Variants in PLPP3 observed in about 807,000 individuals in gnomAD.
PLPP3 encodes the protein PAP2 beta.
A neutral mutation model predicts 29.6 loss-of-function variants in PLPP3; 6 were observed. The ratio of observed to expected loss-of-function variants is 0.20; its 90% CI spans 0.11 to 0.40. The LOEUF (loss-of-function observed/expected upper bound fraction) is 0.40. PLPP3 is among the 10% of genes least tolerant of loss of function. The pLI is 1.00. For missense variants in PLPP3, 308 were observed against 407.7 expected (o/e 0.76, Z 2.11); for synonymous variants, 152 against 159.7 (o/e 0.95, Z 0.36).
At chr1:56,523,036 G>A (rs1280638598) in intron 4 of PLPP3, among the ~76,000 whole-genome samples, 1 of 152,158 alleles carries the variant, frequency 6.6e-6, no homozygotes, top group Non-Finnish European at 1.5e-5. Flanking sequence ...AGAAGAGCAT[G>A]GGAATCAAAT....
rs1248940623 is a variant in PLPP3 at position 56,522,386 on chromosome 1, TCC to T, written c.633+1435_633+1436del. 9.8e-4 allele frequency among the ~76,000 whole-genome samples: 150 copies of T among 152,330 alleles called. 2 individuals carry two copies. The South Asian group carries it at 0.019, about 19-fold the overall frequency. ...TGAAAAAAATGAACACATACCCAGT[TCC>T]TCTAAGCACTTTTATAAAACATCGA... On this transcript the variant is annotated intron_variant, in intron 4 of 5. Coordinates refer to ENST00000371250, the MANE Select transcript of PLPP3 (RefSeq NM_003713.5).
At chr1:56,522,266 C>T (rs186203053) in intron 4 of PLPP3, among the ~76,000 whole-genome samples, 2 of 152,294 alleles carry the variant, frequency 1.3e-5, no homozygotes, top group Admixed American at 1.3e-4. Flanking sequence ...AGTGTGTCAG[C>T]ATCTTCACCT....
intron 2 of PLPP3, among the ~76,000 whole-genome samples, chr1:56,525,825 C>G (rs1223115363): frequency 6.6e-6 from 1 of 152,096 alleles, no homozygotes; most frequent in Non-Finnish European, 1.5e-5. Context: ...CATATCCGGA[C>G]ACTCCTTTGC....
At chr1:56,513,402 C>G (rs1439593577) in intron 4 of PLPP3, 1 of 152,672 alleles carries the variant, frequency 6.5e-6, no homozygotes, top group Non-Finnish European at 1.5e-5. Context: ...CTTGGAGAGG[C>G]AGGAGAAGGG....
chr1:56,576,640 A>G (rs1330858926), intron 1 of PLPP3, among the ~76,000 whole-genome samples: 2 of 152,254 alleles, frequency 1.3e-5, no homozygotes, highest in Non-Finnish European at 2.9e-5. Context: ...ATGTGCCTCT[A>G]TAACAGAATA....
At chr1:56,510,586 C>A (rs1047473961) in intron 5 of PLPP3, among the ~76,000 whole-genome samples, 2 of 152,194 alleles carry the variant, frequency 1.3e-5, no homozygotes, top group African/African-American at 2.4e-5. Flanking sequence ...TATGACAGCC[C>A]CCACAGCATT....
intron 1 of PLPP3, among the ~76,000 whole-genome samples, chr1:56,537,751 G>C (rs187841358): frequency 6.6e-6 from 1 of 152,250 alleles, no homozygotes; most frequent in East Asian, 1.9e-4. Flanking sequence ...CATTTTCCAG[G>C]CTTTTCTTTC....
intron 1 of PLPP3, among the ~76,000 whole-genome samples, chr1:56,543,262 G>A (rs1376985550): frequency 3.3e-5 from 5 of 152,138 alleles, no homozygotes; most frequent in Admixed American, 6.5e-5. Flanking sequence ...TAATCTCCAC[G>A]ATAGCTATGA....
intron 4 of PLPP3, among the ~76,000 whole-genome samples, chr1:56,523,105 G>T (rs749950448): frequency 3.3e-5 from 5 of 152,126 alleles, no homozygotes; most frequent in African/African-American, 1.2e-4. Context: ...TCTGGGCCTT[G>T]GTCTGTGGAT....
chr1:56,559,774 T>C (rs1331663697), intron 1 of PLPP3, among the ~76,000 whole-genome samples: 1 of 152,172 alleles, frequency 6.6e-6, no homozygotes, highest in Non-Finnish European at 1.5e-5. Flanking sequence ...TTTTACTCAT[T>C]TTCCAAGACA....
chr1:56,552,856 A>G (rs993941907), intron 1 of PLPP3, among the ~76,000 whole-genome samples: 5 of 152,168 alleles, frequency 3.3e-5, no homozygotes, highest in African/African-American at 9.7e-5. Context: ...AAAGACAAAA[A>G]CTGAAAGAGG....
At chr1:56,520,017 G>C (rs1202884947) in intron 4 of PLPP3, among the ~76,000 whole-genome samples, 1 of 152,144 alleles carries the variant, frequency 6.6e-6, no homozygotes, top group Non-Finnish European at 1.5e-5. Flanking sequence ...AGTTTGTCTT[G>C]ATGGCTCCCC....
chr1:56,529,316 AAGTCCTACTAGGCAGT>A (rs1333426962), intron 2 of PLPP3, among the ~76,000 whole-genome samples: 1 of 152,132 alleles, frequency 6.6e-6, no homozygotes, highest in East Asian at 1.9e-4. Context: ...TTTCTCTTAG[AAGTCCTACTAGGCAGT>A]AGTATGTATG....
At chr1:56,541,574 T>C (rs1024311152) in intron 1 of PLPP3, among the ~76,000 whole-genome samples, 1 of 152,064 alleles carries the variant, frequency 6.6e-6, no homozygotes, top group Non-Finnish European at 1.5e-5. Flanking sequence ...TAAACAGTCA[T>C]AAAAACTAAT....
intron 1 of PLPP3, among the ~76,000 whole-genome samples, chr1:56,568,567 T>G (rs1288169475): frequency 6.6e-6 from 1 of 152,152 alleles, no homozygotes; most frequent in Non-Finnish European, 1.5e-5. Context: ...CTGGAAGGAG[T>G]GGCCTCACCA....
chr1:56,577,140 T>A (rs1260126119), intron 1 of PLPP3, among the ~76,000 whole-genome samples: 1 of 151,926 alleles, frequency 6.6e-6, no homozygotes, highest in Non-Finnish European at 1.5e-5. Flanking sequence ...ACACAGGGAG[T>A]TCCAGGCAAG....
intron 4 of PLPP3, among the ~76,000 whole-genome samples, chr1:56,518,171 G>A (rs1645795189): frequency 6.6e-6 from 1 of 152,134 alleles, no homozygotes; most frequent in South Asian, 2.1e-4. Context: ...AAAAACATCT[G>A]GTACAGATTC....
intron 1 of PLPP3, among the ~76,000 whole-genome samples, chr1:56,577,724 G>A (rs1304499792): frequency 6.6e-6 from 1 of 152,184 alleles, no homozygotes; most frequent in African/African-American, 2.4e-5. Context: ...AGTTAGCAGA[G>A]TTGGCAGAAC....
In PLPP3 at chr1:56,559,623, G is replaced by A. The variant is rs1336202468; in HGVS notation, c.139+19255C>T. 2.0e-5 allele frequency among the ~76,000 whole-genome samples: 3 copies of A among 150,466 alleles called. No homozygotes were observed. The East Asian group carries it at 5.9e-4, about 30-fold the overall frequency. On this transcript the variant is annotated intron_variant, in intron 1 of 5. Transcript: ENST00000371250. ...TGGCATTTTATGTTAAGGTACAAAT[G>A]ACTGTAGATTACTGACACATGGGGC...
Sources: gnomAD v4.1 joint callset for allele counts (sites outside exome capture counted in the v4.1 genomes callset) on GRCh38, gnomAD v4.1.1 for gene constraint, MANE v1.5 for transcripts, NCBI Gene and HGNC (gene_info 2026-07-23, HGNC 2026-07-21) for gene names.